PARD3B: variants seen among roughly 807,000 people sequenced by gnomAD.
The protein encoded by PARD3B is partitioning defective 3 homolog B.
A neutral mutation model predicts 130.2 loss-of-function variants in PARD3B; 103 were observed. The observed-to-expected ratio is 0.79, with a 90% CI of 0.67 to 0.93. PARD3B has a LOEUF of 0.93. PARD3B is among the 40% of genes least tolerant of loss of function. PARD3B has a pLI of 0.00. For synonymous variants in PARD3B, 583 were observed against 553.2 expected, an observed-to-expected ratio of 1.05 and a Z score of -0.76; for missense variants, 1,609 against 1,499.2, an observed-to-expected ratio of 1.07 and a Z score of -1.21.
chr2:205,073,983 A>G (rs985832315), intron 4 of PARD3B, among the ~76,000 whole-genome samples: 8 of 152,192 alleles, frequency 5.3e-5, no homozygotes, highest in African/African-American at 1.9e-4. Context: ...CAGGATCTCT[A>G]CAAAATGCAC....
chr2:204,805,217 G>A (rs145159300), intron 2 of PARD3B, among the ~76,000 whole-genome samples: 27 of 151,964 alleles, frequency 1.8e-4, no homozygotes, highest in Non-Finnish European at 2.8e-4. Context: ...TAAAGTCAGA[G>A]ATGAAAAAAG....
intron 20 of PARD3B, among the ~76,000 whole-genome samples, chr2:205,454,437 A>T (rs1425649963): frequency 2.0e-5 from 3 of 152,136 alleles, no homozygotes; most frequent in Non-Finnish European, 4.4e-5. Context: ...CCAACATTTT[A>T]AGGAGACGTT....
At chr2:205,104,028 A>G (rs904874183) in intron 4 of PARD3B, among the ~76,000 whole-genome samples, 1 of 152,024 alleles carries the variant, frequency 6.6e-6, no homozygotes, top group African/African-American at 2.4e-5. Flanking sequence ...TTTTCTTTAT[A>G]TTTTAATGTT....
intron 3 of PARD3B, among the ~76,000 whole-genome samples, chr2:204,988,686 A>G (rs1328865318): frequency 6.6e-6 from 1 of 152,232 alleles, no homozygotes; most frequent in Admixed American, 6.5e-5. Flanking sequence ...CATGACAGAA[A>G]AAGAGAACTT....
At chr2:205,319,637 T>C (rs2105960005) in intron 18 of PARD3B, among the ~76,000 whole-genome samples, 1 of 152,284 alleles carries the variant, frequency 6.6e-6, no homozygotes, top group Middle Eastern at 3.4e-3. Flanking sequence ...TGGGACTCTA[T>C]CTAATTCCCT....
chr2:205,179,285 CT>C (rs1203772757), intron 13 of PARD3B, among the ~76,000 whole-genome samples: 1 of 152,128 alleles, frequency 6.6e-6, no homozygotes, highest in East Asian at 1.9e-4. Flanking sequence ...AACAAAGTTA[CT>C]GAGATTGAAG....
At chr2:204,909,147 A>G (rs2125719866) in intron 2 of PARD3B, among the ~76,000 whole-genome samples, 1 of 152,296 alleles carries the variant, frequency 6.6e-6, no homozygotes, top group Non-Finnish European at 1.5e-5. Flanking sequence ...TTAAAAAAAT[A>G]AGGCCATCGT....
rs2050627413 is a variant in PARD3B, at chr2:205,512,578, G to GT, written c.3180+12554dup. Among the ~76,000 whole-genome samples the GT allele has an allele frequency of 2.6e-5, 4 of 152,032 alleles. No individual in the cohort carries two copies. The South Asian group carries it at 8.3e-4, about 32-fold the overall frequency. On this transcript the variant is annotated intron_variant, in intron 21 of 22. Coordinates refer to ENST00000406610, the MANE Select transcript of PARD3B (RefSeq NM_001302769.2). Reference sequence around the variant, plus strand: ...TCTGCAATTTTCCATTCCTTCGTTGGTTTTTTTCATTCAGTGAATACTCAG... The same window carrying GT: ...TCTGCAATTTTCCATTCCTTCGTTGGTTTTTTTTCATTCAGTGAATACTCAG...
At chr2:205,224,554 CA>C (rs1167768418) in intron 15 of PARD3B, among the ~76,000 whole-genome samples, 8 of 146,682 alleles carry the variant, frequency 5.5e-5, no homozygotes, top group South Asian at 4.4e-4. Context: ...CCCCCGCCCC[CA>C]ACCCCCCAGC....
chr2:204,887,516 C>T lies in PARD3B; in HGVS notation c.223-77636C>T, dbSNP rs574059756. Among the ~76,000 whole-genome samples, 16 of 152,162 alleles carry T rather than the reference C, an allele frequency of 1.1e-4. No individual in the cohort carries two copies. The highest frequency in any genetic ancestry group is 1.6e-4 in the Non-Finnish European group (11 of 68,014). ...TAAAAGCAAAACACTCAAATTATAC[C>T]ACGTTGAAAACATGAAGAGGTGTTT... On this transcript the variant is annotated intron_variant, in intron 2 of 22. Transcript: ENST00000406610. This position sits in a 1 kb window ranked among gnomAD's most constrained non-coding sequence, Gnocchi z 4.2.
chr2:204,855,331 T>C (rs1393766125), intron 2 of PARD3B, among the ~76,000 whole-genome samples: 4 of 151,810 alleles, frequency 2.6e-5, no homozygotes, highest in Admixed American at 2.0e-4. Flanking sequence ...GATCGTGAGG[T>C]CAAGAGATTG....
chr2:205,540,895 TCTAGATA>T (rs2052095257), intron 21 of PARD3B, among the ~76,000 whole-genome samples: 1 of 152,166 alleles, frequency 6.6e-6, no homozygotes, highest in Admixed American at 6.5e-5. Flanking sequence ...ACTTCCAGCT[TCTAGATA>T]AAAGATAATT....
At chr2:204,670,308 A>G (rs1423029136) in intron 1 of PARD3B, among the ~76,000 whole-genome samples, 2 of 152,182 alleles carry the variant, frequency 1.3e-5, no homozygotes, top group Non-Finnish European at 2.9e-5. Context: ...TTTATTTACA[A>G]AAGCAGTGAT....
chr2:205,362,443 C>G (rs1257428026), intron 18 of PARD3B, among the ~76,000 whole-genome samples: 1 of 152,136 alleles, frequency 6.6e-6, no homozygotes, highest in Non-Finnish European at 1.5e-5. Flanking sequence ...TTCAGGTAAA[C>G]AGACAATAAT....
rs895562248 is a variant in PARD3B at position 204,887,479 on chromosome 2, T to A, written c.223-77673T>A. 5.3e-5 allele frequency among the ~76,000 whole-genome samples: 8 copies of A among 152,182 alleles called. No individual in the cohort carries two copies. Among genetic ancestry groups the A allele is most frequent in the Non-Finnish European group, 7.3e-5 (5 of 68,036 alleles). On this transcript the variant is annotated intron_variant, in intron 2 of 22. Transcript: ENST00000406610. This position sits in a 1 kb window ranked among gnomAD's most constrained non-coding sequence, Gnocchi z 4.2. ...ATAGCCTGTCTGCATGTTGGCTAGT[T>A]GTAGCAAGTTTTAAAAGCAAAACAC...
intron 18 of PARD3B, among the ~76,000 whole-genome samples, chr2:205,302,154 C>T (rs566503861): frequency 6.1e-5 from 9 of 146,836 alleles, no homozygotes; most frequent in African/African-American, 1.8e-4. Flanking sequence ...CTGCAACCTC[C>T]GCCTCCTGGG....
intron 15 of PARD3B, among the ~76,000 whole-genome samples, chr2:205,197,603 G>A (rs2036766401): frequency 6.6e-6 from 1 of 152,056 alleles, no homozygotes; most frequent in Admixed American, 6.5e-5. Flanking sequence ...CATGCATGTG[G>A]TCACATTTAA....
chr2:205,454,369 A>C (rs1446795868), intron 20 of PARD3B, among the ~76,000 whole-genome samples: 1 of 152,202 alleles, frequency 6.6e-6, no homozygotes, highest in African/African-American at 2.4e-5. Flanking sequence ...AACAATAAAT[A>C]ATCAGTGGGA....
intron 2 of PARD3B, among the ~76,000 whole-genome samples, chr2:204,804,320 A>G (rs2042686136): frequency 6.6e-6 from 1 of 152,206 alleles, no homozygotes; most frequent in Non-Finnish European, 1.5e-5. Context: ...ATTCCATGCA[A>G]ATTGAAAGCA....
Sources: gnomAD v4.1 joint callset for allele counts (sites outside exome capture counted in the v4.1 genomes callset) on GRCh38, gnomAD v4.1.1 for gene constraint, Gnocchi (gnomAD v3.1) non-coding constraint, MANE v1.5 for transcripts, NCBI Gene and HGNC (gene_info 2026-07-23, HGNC 2026-07-21) for gene names.